Variants in RTF1 observed in about 807,000 individuals in gnomAD.
RTF1 encodes the protein RNA polymerase-associated protein RTF1 homolog.
Under a neutral mutation model 95.7 loss-of-function variants are expected in RTF1, and 10 were observed. That is an observed-to-expected ratio of 0.10 (90% CI 0.06 to 0.18). RTF1 has a LOEUF of 0.18. RTF1 is among the 10% of genes least tolerant of loss of function. The pLI, the probability that RTF1 is intolerant of heterozygous loss-of-function variation, is 1.00. For synonymous variants in RTF1, 305 were observed against 311.8 expected, an observed-to-expected ratio of 0.98 and a Z score of 0.23; for missense variants, 458 against 875.6, an observed-to-expected ratio of 0.52 and a Z score of 6.02.
chr15:41,479,096 C>G lies in RTF1; in HGVS notation c.1819-7C>G, dbSNP rs1261065774. ...CAATCTCTAAAACAACTTATTTTCT[C>G]TCTCAGTCCAGAGACCCAGCTGTTC... On this transcript the variant is annotated splice_polypyrimidine_tract_variant and splice_region_variant and intron_variant, in intron 15 of 17. Transcript: ENST00000389629. The G allele has an allele frequency of 1.9e-6, 3 of 1,604,304 alleles. 1 individual carries two copies. The highest frequency in any genetic ancestry group is 2.2e-5 in the South Asian group (2 of 90,776).
At chr15:41,475,900 T>C (rs1051752009) in intron 11 of RTF1, 81 bp downstream of exon 11, 1 of 696,050 alleles carries the variant, frequency 1.4e-6, no homozygotes, top group Non-Finnish European at 2.4e-6. Flanking sequence ...TATTTCCCTA[T>C]ATCTTGACAT....
At chr15:41,457,485 A>G (rs933137641) in intron 3 of RTF1, among the ~76,000 whole-genome samples, 187 bp from the exon 4 acceptor site, 2 of 152,176 alleles carry the variant, frequency 1.3e-5, no homozygotes, top group African/African-American at 4.8e-5. Context: ...AGATTGTGCC[A>G]CTGCACTCCA....
intron 4 of RTF1, among the ~76,000 whole-genome samples, chr15:41,458,165 C>T (rs192897199): frequency 1.3e-5 from 2 of 152,212 alleles, no homozygotes; most frequent in East Asian, 3.9e-4. Flanking sequence ...GTTGGTTATA[C>T]CATATTACAG....
At chr15:41,419,625 G>A (rs1340877549) in intron 1 of RTF1, among the ~76,000 whole-genome samples, 1 of 151,954 alleles carries the variant, frequency 6.6e-6, no homozygotes, top group Non-Finnish European at 1.5e-5. Context: ...TTATTTGGGG[G>A]GATTTCTTGG....
At chr15:41,452,813 C>A in intron 2 of RTF1, 88 bp from the exon 3 acceptor site, 1 of 935,458 alleles carries the variant, frequency 1.1e-6, no homozygotes, top group Non-Finnish European at 1.5e-6. Flanking sequence ...AGATGAATGC[C>A]AGAGACTCTT....
chr15:41,448,487 T>G (rs1367904152), intron 2 of RTF1, among the ~76,000 whole-genome samples: 1 of 152,070 alleles, frequency 6.6e-6, no homozygotes, highest in Non-Finnish European at 1.5e-5. Context: ...AACAATATGG[T>G]GAGAGAACAG....
chr15:41,438,244 GA>G, intron 1 of RTF1, 76 bp from the exon 2 acceptor site: 1 of 950,418 alleles, frequency 1.1e-6, no homozygotes, highest in East Asian at 2.7e-5. Flanking sequence ...AAGATCTAGA[GA>G]GGGTGGGCAT....
Position 41,439,608 on chromosome 15 carries a change from A to T in RTF1, c.309+1177A>T, listed in dbSNP as rs1056926267. Among the ~76,000 whole-genome samples the T allele has an allele frequency of 4.5e-4, 69 of 152,208 alleles. 2 individuals are homozygous for T. Among genetic ancestry groups the T allele is most frequent in the Non-Finnish European group, 1.5e-5 (1 of 68,038 alleles). ...TAATGGAAGACAGGGATGAGGGGAA[A>T]GATATTTGAAACACTTCTACATGTT... On this transcript the variant is annotated intron_variant, in intron 2 of 17. Transcript: ENST00000389629.
intron 2 of RTF1, among the ~76,000 whole-genome samples, chr15:41,446,309 G>T (rs2050761910): frequency 6.6e-6 from 1 of 152,052 alleles, no homozygotes; most frequent in Admixed American, 6.6e-5. Flanking sequence ...GGTGTCTTAG[G>T]CCTGTAATCC....
chr15:41,436,993 A>G (rs1301031598), intron 1 of RTF1, among the ~76,000 whole-genome samples: 1 of 151,790 alleles, frequency 6.6e-6, no homozygotes, highest in African/African-American at 2.4e-5. Flanking sequence ...AGGTTGACTC[A>G]GGAGAATCGC....
intron 12 of RTF1, 95 bp from the exon 13 acceptor site, chr15:41,477,070 G>A (rs1595441238): frequency 6.6e-7 from 1 of 1,508,102 alleles, no homozygotes; most frequent in Admixed American, 1.7e-5. Flanking sequence ...CTCACCACAT[G>A]AGATATCTTT....
intron 3 of RTF1, among the ~76,000 whole-genome samples, chr15:41,456,656 G>A (rs2050818941): frequency 6.6e-6 from 1 of 151,584 alleles, no homozygotes; most frequent in South Asian, 2.1e-4. Context: ...AATTAGCTGA[G>A]TGTAGTGGTG....
chr15:41,466,552 TATA>T (rs1254905428), intron 6 of RTF1, among the ~76,000 whole-genome samples: 1 of 152,248 alleles, frequency 6.6e-6, no homozygotes, highest in Non-Finnish European at 1.5e-5. Context: ...TAAACCTAAC[TATA>T]ATACCATTAT....
At chr15:41,423,984 C>G (rs1308997752) in intron 1 of RTF1, among the ~76,000 whole-genome samples, 3 of 152,180 alleles carry the variant, frequency 2.0e-5, no homozygotes, top group Non-Finnish European at 4.4e-5. Flanking sequence ...AACTCCTGAC[C>G]TCAAGTGATC....
At chr15:41,450,978 G>A (rs1035683203) in intron 2 of RTF1, among the ~76,000 whole-genome samples, 2 of 151,884 alleles carry the variant, frequency 1.3e-5, no homozygotes, top group Non-Finnish European at 2.9e-5. Flanking sequence ...ATTAAAAATA[G>A]CACCCTTTTA....
chr15:41,454,123 T>A (rs2050801312), intron 3 of RTF1, among the ~76,000 whole-genome samples: 1 of 152,080 alleles, frequency 6.6e-6, no homozygotes, highest in Admixed American at 6.6e-5. Context: ...CGAGACAGAG[T>A]TTCGCTCTTG....
intron 3 of RTF1, among the ~76,000 whole-genome samples, chr15:41,454,051 A>G (rs187070968): frequency 6.6e-6 from 1 of 152,068 alleles, no homozygotes; most frequent in African/African-American, 2.4e-5. Flanking sequence ...TAAATTCACT[A>G]ATCAATTTTT....
intron 8 of RTF1, among the ~76,000 whole-genome samples, chr15:41,473,023 A>T (rs1021442805): frequency 4.6e-5 from 7 of 150,790 alleles, no homozygotes; most frequent in Non-Finnish European, 7.4e-5. Context: ...TTAAAAAAAA[A>T]TTTTTGTAGC....
Position 41,471,243 on chromosome 15 carries a change from G to A in RTF1, c.1097G>A (p.Arg366Gln). 3 of 1,613,734 alleles carry A rather than the reference G, an allele frequency of 1.9e-6. No homozygotes were observed. The highest frequency in any genetic ancestry group is 1.1e-5 in the South Asian group (1 of 90,984). ...PEELNRVRLS[R>Q]HKLERWCHMP... ...GAATTGAATCGGGTTCGATTATCACGGCATAAGCTAGAACGCTGGTGTCAC... is the reference window on the plus strand; with the variant it reads ...GAATTGAATCGGGTTCGATTATCACAGCATAAGCTAGAACGCTGGTGTCAC... The change falls in exon 8 of 18, where the codon CGG (arginine) becomes CAG (glutamine). Residue 366 changes from arginine (R) to glutamine (Q), a missense_variant. Physicochemically the swap from Arg to Gln is conservative, Grantham distance 43. This residue lies in a region of RTF1 where 150 missense variants were observed against 275.7 expected (regional missense o/e 0.54). Coordinates refer to ENST00000389629, the MANE Select transcript of RTF1 (RefSeq NM_015138.5).
Sources: gnomAD v4.1 joint callset for allele counts (sites outside exome capture counted in the v4.1 genomes callset) on GRCh38, gnomAD v4.1.1 for gene constraint, gnomAD v4.1.1 regional missense constraint, MANE v1.5 for transcripts, NCBI Gene and HGNC (gene_info 2026-07-23, HGNC 2026-07-21) for gene names.